The following EPB41L5 variants were observed in gnomAD, a reference collection of about 807,000 sequenced individuals.
The protein encoded by EPB41L5 is band 4.1-like protein 5.
In EPB41L5, 55 loss-of-function variants were observed where a neutral mutation model predicts 106.6. The ratio of observed to expected loss-of-function variants is 0.52; its 90% CI spans 0.42 to 0.65. The LOEUF (loss-of-function observed/expected upper bound fraction) is 0.65, where lower values mean the gene tolerates loss of function less well. Among genes scored for constraint, EPB41L5 ranks in the 30% least tolerant of loss-of-function variants. The pLI, the probability that EPB41L5 is intolerant of heterozygous loss-of-function variation, is 0.00. For synonymous variants in EPB41L5, 297 were observed against 306.7 expected (o/e 0.97, Z 0.33); for missense variants, 871 against 882.1 (o/e 0.99, Z 0.16).
At chr2:120,083,528 T>G (rs1440415409) in intron 10 of EPB41L5, among the ~76,000 whole-genome samples, 1 of 152,306 alleles carries the variant, frequency 6.6e-6, no homozygotes, top group African/African-American at 2.4e-5. Flanking sequence ...TCCAACTATG[T>G]GGTCAGTTTT....
At chr2:120,099,558 G>T (rs1304186608) in intron 14 of EPB41L5, among the ~76,000 whole-genome samples, 2 of 151,892 alleles carry the variant, frequency 1.3e-5, no homozygotes, top group African/African-American at 4.8e-5. Context: ...CTCCCAAGTA[G>T]CTGGGACTAC....
chr2:120,121,760 C>T (rs907662067), intron 16 of EPB41L5, among the ~76,000 whole-genome samples: 4 of 151,650 alleles, frequency 2.6e-5, no homozygotes, highest in Admixed American at 2.0e-4. Flanking sequence ...TTTGAGGAAT[C>T]GCCACAATGG....
chr2:120,171,528 CT>C (rs1687672395), intron 24 of EPB41L5, among the ~76,000 whole-genome samples: 1 of 152,202 alleles, frequency 6.6e-6, no homozygotes, highest in Non-Finnish European at 1.5e-5. Context: ...GGAAGACTAA[CT>C]CAAAGTCCAC....
At chr2:120,153,930 TA>T (rs1441538974) in intron 20 of EPB41L5, among the ~76,000 whole-genome samples, 1 of 152,262 alleles carries the variant, frequency 6.6e-6, no homozygotes, top group Non-Finnish European at 1.5e-5. Context: ...TGGATCATTT[TA>T]AAAAATTCTT....
intron 16 of EPB41L5, among the ~76,000 whole-genome samples, chr2:120,121,166 T>C (rs969464646): frequency 6.6e-6 from 1 of 152,196 alleles, no homozygotes; most frequent in African/African-American, 2.4e-5. Context: ...GACTCTACTA[T>C]GGTCTGAAAG....
chr2:120,141,269 A>G (rs1418804749), intron 18 of EPB41L5, among the ~76,000 whole-genome samples: 1 of 152,126 alleles, frequency 6.6e-6, no homozygotes, highest in African/African-American at 2.4e-5. Context: ...AGCCCTGTCT[A>G]AATCCCACAG....
intron 10 of EPB41L5, among the ~76,000 whole-genome samples, chr2:120,085,088 A>G (rs897533194): frequency 2.6e-5 from 4 of 152,110 alleles, no homozygotes; most frequent in East Asian, 3.9e-4. Flanking sequence ...CCTTTAGCTC[A>G]GAGAAGTTTG....
At chr2:120,046,910 A>G (rs1387801304) in intron 3 of EPB41L5, among the ~76,000 whole-genome samples, 2 of 152,140 alleles carry the variant, frequency 1.3e-5, no homozygotes, top group Non-Finnish European at 2.9e-5. Context: ...CCATTTATTA[A>G]ATAGGGAATC....
chr2:120,088,728 T>G (rs1683228080), intron 11 of EPB41L5, among the ~76,000 whole-genome samples: 1 of 152,202 alleles, frequency 6.6e-6, no homozygotes, highest in Admixed American at 6.5e-5. Context: ...ATTGGTGTTT[T>G]TTTTCTTTTT....
intron 3 of EPB41L5, among the ~76,000 whole-genome samples, chr2:120,062,507 G>A (rs1681150601): frequency 6.6e-6 from 1 of 152,040 alleles, no homozygotes. Flanking sequence ...TAGAAGAAAT[G>A]GAATCATCAG....
At chr2:120,015,860 TAGA>T (rs1280925631) in intron 1 of EPB41L5, among the ~76,000 whole-genome samples, 2 of 146,536 alleles carry the variant, frequency 1.4e-5, no homozygotes, top group Non-Finnish European at 3.0e-5. Flanking sequence ...TTGAGCATGG[TAGA>T]TGAAGGCCGC....
At chr2:120,074,859 G>A (rs942171330) in intron 5 of EPB41L5, among the ~76,000 whole-genome samples, 4 of 152,040 alleles carry the variant, frequency 2.6e-5, no homozygotes, top group Non-Finnish European at 5.9e-5. Flanking sequence ...TAGATGTCTC[G>A]CTCTGTCATC....
At chr2:120,142,335 C>G (rs1187295022) in intron 18 of EPB41L5, among the ~76,000 whole-genome samples, 1 of 151,938 alleles carries the variant, frequency 6.6e-6, no homozygotes, top group Admixed American at 6.6e-5. Flanking sequence ...CTTCCTTCCC[C>G]TTAATTTCCT....
chr2:120,047,386 A>C (rs1396493464), intron 3 of EPB41L5, among the ~76,000 whole-genome samples: 1 of 151,940 alleles, frequency 6.6e-6, no homozygotes, highest in Non-Finnish European at 1.5e-5. Context: ...CATCCCTTGT[A>C]AGTTGGATTC....
chr2:120,100,028 G>A (rs1202618127), intron 14 of EPB41L5, among the ~76,000 whole-genome samples: 1 of 152,168 alleles, frequency 6.6e-6, no homozygotes. Flanking sequence ...CATCAAATGA[G>A]CAACTATAGA....
intron 3 of EPB41L5, among the ~76,000 whole-genome samples, chr2:120,053,357 ATTTACATACCAT>A (rs1340354661): frequency 1.3e-5 from 2 of 152,214 alleles, no homozygotes; most frequent in African/African-American, 4.8e-5. Flanking sequence ...AAAAAAGACA[ATTTACATACCAT>A]AAAGTTCACC....
intron 3 of EPB41L5, among the ~76,000 whole-genome samples, chr2:120,063,264 C>G (rs563753348): frequency 6.0e-5 from 9 of 149,816 alleles, no homozygotes; most frequent in Non-Finnish European, 1.2e-4. Context: ...ATTGCTTGAA[C>G]TAGGGAGGCA....
At chr2:120,076,092 C>A (rs1383574986) in intron 7 of EPB41L5, among the ~76,000 whole-genome samples, 1 of 152,166 alleles carries the variant, frequency 6.6e-6, no homozygotes, top group East Asian at 1.9e-4. Flanking sequence ...GCTTAGCAGT[C>A]CTTTTGCTCC....
chr2:120,143,624 A>G (rs1384002960), intron 19 of EPB41L5, among the ~76,000 whole-genome samples: 4 of 151,996 alleles, frequency 2.6e-5, no homozygotes, highest in Admixed American at 1.3e-4. Context: ...CTGTCCTAAA[A>G]CCAGGACAGA....
Sources: gnomAD v4.1 joint callset for allele counts (sites outside exome capture counted in the v4.1 genomes callset) on GRCh38, gnomAD v4.1.1 for gene constraint, MANE v1.5 for transcripts, NCBI Gene and HGNC (gene_info 2026-07-23, HGNC 2026-07-21) for gene names.